PPP6R3: variants seen among roughly 807,000 people sequenced by gnomAD.
PPP6R3 encodes protein phosphatase 6 regulatory subunit 3.
Under a neutral mutation model 110.7 loss-of-function variants are expected in PPP6R3, and 38 were observed. The ratio of observed to expected loss-of-function variants is 0.34; its 90% CI spans 0.26 to 0.45. PPP6R3 has a LOEUF of 0.45. Ranked by LOEUF, PPP6R3 falls within the 20% of genes least tolerant of loss-of-function variation. The pLI is 1.00. For synonymous variants in PPP6R3, 369 were observed against 373.5 expected (o/e 0.99, Z 0.14); for missense variants, 870 against 1,062.4 (o/e 0.82, Z 2.52).
At chr11:68,501,574 G>A (rs1366213596) in intron 1 of PPP6R3, among the ~76,000 whole-genome samples, 3 of 152,188 alleles carry the variant, frequency 2.0e-5, no homozygotes, top group South Asian at 2.1e-4. Flanking sequence ...TGATCTGCCC[G>A]CCTTGGCCTC....
intron 1 of PPP6R3, among the ~76,000 whole-genome samples, chr11:68,484,412 G>A (rs1244099575): frequency 6.6e-6 from 1 of 152,046 alleles, no homozygotes; most frequent in Non-Finnish European, 1.5e-5. Flanking sequence ...TAGATGTGTT[G>A]TGCTATCTCA....
intron 8 of PPP6R3, among the ~76,000 whole-genome samples, chr11:68,560,980 T>A (rs1462180447): frequency 7.0e-6 from 1 of 142,992 alleles, no homozygotes; most frequent in Non-Finnish European, 1.5e-5. Context: ...CACTGCAAGC[T>A]CCGCCTCCTG....
chr11:68,515,862 T>G (rs2099134061), intron 1 of PPP6R3, among the ~76,000 whole-genome samples: 1 of 152,176 alleles, frequency 6.6e-6, no homozygotes, highest in Non-Finnish European at 1.5e-5. Context: ...TCAGAATTCT[T>G]TAGACATTGC....
chr11:68,551,129 TGAG>T lies in PPP6R3; in HGVS notation c.565_567del (p.Glu189del), dbSNP rs755718591. ...TACAATGTGTTTTACAGTGGTTAAA[TGAG>T]GAGAAAATTATCCAGAGGCTTGTGG... is the stretch of plus-strand genomic sequence containing the variant. On this transcript the variant is annotated inframe_deletion, in exon 6 of 24. Transcript: ENST00000393800. 1.2e-6 allele frequency: 2 copies of T among 1,608,152 alleles called. No homozygotes were observed. Among genetic ancestry groups the T allele is most frequent in the South Asian group, 1.1e-5 (1 of 90,622 alleles).
chr11:68,536,718 A>T (rs1368317104), intron 2 of PPP6R3, among the ~76,000 whole-genome samples: 1 of 152,204 alleles, frequency 6.6e-6, no homozygotes, highest in Non-Finnish European at 1.5e-5. Flanking sequence ...TGGGTAGTGA[A>T]GCTCCAGCTT....
At chr11:68,514,172 C>T (rs2099124322) in intron 1 of PPP6R3, among the ~76,000 whole-genome samples, 1 of 152,024 alleles carries the variant, frequency 6.6e-6, no homozygotes, top group Non-Finnish European at 1.5e-5. Context: ...TTAAGTGACC[C>T]TCCTGCCTTA....
intron 4 of PPP6R3, among the ~76,000 whole-genome samples, chr11:68,545,945 G>A (rs2099347493): frequency 6.6e-6 from 1 of 152,184 alleles, no homozygotes; most frequent in Admixed American, 6.5e-5. Flanking sequence ...GGGCAAAAGT[G>A]GTCAAACCAG....
At position 68,567,018 on chromosome 11, in the gene PPP6R3, G is replaced by A. The variant is rs1436361441; in HGVS notation, c.980G>A (p.Ser327Asn). The change falls in exon 10 of 24, where the codon AGT becomes AAT. Residue 327 changes from serine (S) to asparagine (N), a missense_variant. By Grantham distance (46) the Ser-to-Asn change is conservative. Coordinates refer to ENST00000393800, the MANE Select transcript of PPP6R3 (RefSeq NM_001164161.2). Reference protein sequence around the residue: ...HELLLEPPKKSVMKTTWGVLD... With the variant: ...HELLLEPPKKNVMKTTWGVLD... ...GGAAAGCTTTTTCTTCTTCAGAAAA[G>A]TGTGATGAAGACCACATGGGGTGTG... 6.5e-7 allele frequency: 1 copy of A among 1,539,258 alleles called. No homozygotes were observed.
At chr11:68,471,341 A>G (rs1460348701) in intron 1 of PPP6R3, among the ~76,000 whole-genome samples, 1 of 151,978 alleles carries the variant, frequency 6.6e-6, no homozygotes, top group African/African-American at 2.4e-5. Context: ...GTGGCATTTA[A>G]CAGTCCCGAG....
At position 68,614,839 on chromosome 11, in the gene PPP6R3, T is replaced by C; in HGVS notation, c.*1722T>C. 1 of 1,229,864 alleles carries C rather than the reference T, an allele frequency of 8.1e-7. No individual in the cohort carries two copies. Among genetic ancestry groups the C allele is most frequent in the Non-Finnish European group, 1.2e-6 (1 of 862,080 alleles). 76.2% of individuals were successfully genotyped at this position (1,229,864 alleles called of 1,614,324 possible). ...TCCTCCTGCTTGCCTCAGGGCTGCC[T>C]GACTTGAATGGCGTTGGACCTCGGG... On this transcript the variant is annotated 3_prime_UTR_variant, in exon 24 of 24. Coordinates refer to ENST00000393800, the MANE Select transcript of PPP6R3 (RefSeq NM_001164161.2).
intron 2 of PPP6R3, among the ~76,000 whole-genome samples, chr11:68,533,778 G>A (rs1442648662): frequency 1.4e-5 from 2 of 144,360 alleles, no homozygotes; most frequent in East Asian, 2.0e-4. Context: ...TCCTTTTCTT[G>A]TGTTTAAATC....
Position 68,596,208 on chromosome 11 carries a change from C to T in PPP6R3, c.2028C>T (p.Asp676=), listed in dbSNP as rs769379614. 2 of 1,614,116 alleles carry T rather than the reference C, an allele frequency of 1.2e-6. No individual in the cohort carries two copies. Among genetic ancestry groups the T allele is most frequent in the Non-Finnish European group, 1.7e-6 (2 of 1,180,026 alleles). ...SANTEDKMEV[D]LSEPPNWSAN... is the part of the protein sequence containing the mutation. Reference sequence around the variant, plus strand: ...ACACGGAGGATAAAATGGAGGTGGACCTGAGTGAACGTAAGTGGATTCATT... The same window carrying T: ...ACACGGAGGATAAAATGGAGGTGGATCTGAGTGAACGTAAGTGGATTCATT... The change falls in exon 19 of 24, where the codon GAC becomes GAT. Residue 676 remains aspartate, a synonymous_variant. Transcript: ENST00000393800.
At chr11:68,549,141 T>C (rs1209904419) in intron 5 of PPP6R3, among the ~76,000 whole-genome samples, 1 of 152,230 alleles carries the variant, frequency 6.6e-6, no homozygotes, top group Non-Finnish European at 1.5e-5. Flanking sequence ...TCCGCCCGCC[T>C]GGGCCTCCCA....
intron 2 of PPP6R3, among the ~76,000 whole-genome samples, chr11:68,528,430 G>GTT (rs1171807123): frequency 2.7e-5 from 1 of 36,368 alleles, no homozygotes; most frequent in African/African-American, 9.2e-5. Context: ...TAATTTGTGT[G>GTT]TGTGGGGGGG....
intron 2 of PPP6R3, among the ~76,000 whole-genome samples, chr11:68,531,434 C>T (rs1172932579): frequency 1.3e-5 from 2 of 151,958 alleles, no homozygotes; most frequent in Non-Finnish European, 2.9e-5. Context: ...ACCTCCCAGG[C>T]TCAGGTGATT....
rs2099356703 is a variant in PPP6R3 at position 68,548,193 on chromosome 11, G to A, written c.541G>A (p.Asp181Asn). Residue 181 changes from aspartate to asparagine, a missense_variant, in exon 5 of 24, where the codon GAT (aspartate) becomes AAT (asparagine). Coordinates refer to ENST00000393800, the MANE Select transcript of PPP6R3 (RefSeq NM_001164161.2). ...TATCGAACCTCCACAGCCCAGGCAA[G>A]ATGTGCTGAATGTGAGTAGAATTCT... ...TCIEPPQPRQDVLNWLNEEKI... is the reference protein window; with the variant it reads ...TCIEPPQPRQNVLNWLNEEKI... 1 of 1,613,964 alleles carries A rather than the reference G, an allele frequency of 6.2e-7. No homozygotes were observed. The highest frequency in any genetic ancestry group is 1.1e-5 in the South Asian group (1 of 91,048).
At chr11:68,588,598 C>G (rs898060735) in intron 16 of PPP6R3, among the ~76,000 whole-genome samples, 8 of 151,866 alleles carry the variant, frequency 5.3e-5, no homozygotes, top group African/African-American at 1.7e-4. Context: ...GCTGGGACTA[C>G]AGGTACCCGC....
chr11:68,488,847 C>A (rs2098965494), intron 1 of PPP6R3: 1 of 152,116 alleles, frequency 6.6e-6, no homozygotes, highest in South Asian at 2.1e-4. Context: ...CCATCTTGAT[C>A]TTGAAGGTGG....
At chr11:68,547,231 TG>T (rs2099352784) in intron 4 of PPP6R3, among the ~76,000 whole-genome samples, 1 of 152,020 alleles carries the variant, frequency 6.6e-6, no homozygotes, top group African/African-American at 2.4e-5. Context: ...GGTGTGGCGG[TG>T]GGGGTGAGTT....
Sources: gnomAD v4.1 joint callset for allele counts (sites outside exome capture counted in the v4.1 genomes callset) on GRCh38, gnomAD v4.1.1 for gene constraint, MANE v1.5 for transcripts, NCBI Gene and HGNC (gene_info 2026-07-23, HGNC 2026-07-21) for gene names.